NRXN3: variants seen among roughly 807,000 people sequenced by gnomAD.
NRXN3 encodes the protein neurexin III.
NRXN3 carries 32 observed loss-of-function variants against 137.6 expected under a neutral mutation model. That is an observed-to-expected ratio of 0.23 (90% CI 0.18 to 0.31). The LOEUF (loss-of-function observed/expected upper bound fraction) is 0.31. Among genes scored for constraint, NRXN3 ranks in the 10% least tolerant of loss-of-function variants. The pLI is 1.00. For synonymous variants in NRXN3, 798 were observed against 784.5 expected (o/e 1.02, Z -0.29); for missense variants, 1,574 against 2,062.5 (o/e 0.76, Z 4.59).
chr14:78,796,098 G>T (rs1299215890), intron 8 of NRXN3, among the ~76,000 whole-genome samples: 1 of 152,198 alleles, frequency 6.6e-6, no homozygotes, highest in African/African-American at 2.4e-5. Flanking sequence ...ATTATGGGTA[G>T]GCATAGCCAA....
At chr14:79,411,323 G>C (rs2217888) in intron 15 of NRXN3, among the ~76,000 whole-genome samples, 49,460 of 151,906 alleles carry the variant, frequency 0.33, 8,305 homozygotes, top group Admixed American at 0.4. Context: ...TAGCCAAACT[G>C]CCCTATTTTG....
chr14:79,132,448 AT>A (rs1452387927), intron 15 of NRXN3, among the ~76,000 whole-genome samples: 2 of 152,206 alleles, frequency 1.3e-5, no homozygotes, highest in Non-Finnish European at 2.9e-5. Flanking sequence ...ACAATTTTAA[AT>A]TTTGATCACA....
rs149704373 is a variant in NRXN3, at chr14:79,139,234, A to G, written c.3262+151093A>G. Among the ~76,000 whole-genome samples the G allele has an allele frequency of 4.0e-4, 61 of 152,314 alleles. No homozygotes were observed. In the East Asian group the frequency reaches 0.01, roughly 26 times the overall value. ...CTGGTCTCCATGAATGGGATCATCT[A>G]ATGCCTTTTAAAAATTAAAGACATA... is the stretch of plus-strand genomic sequence containing the variant. On this transcript the variant is annotated intron_variant, in intron 15 of 20. Transcript: ENST00000335750.
intron 4 of NRXN3, among the ~76,000 whole-genome samples, chr14:78,598,534 C>G (rs1456391969): frequency 6.6e-6 from 1 of 152,234 alleles, no homozygotes; most frequent in Non-Finnish European, 1.5e-5. Context: ...TTTGGGGCAG[C>G]TAAGGCACCT....
At chr14:79,591,892 A>G (rs2097806916) in intron 16 of NRXN3, among the ~76,000 whole-genome samples, 1 of 151,950 alleles carries the variant, frequency 6.6e-6, no homozygotes, top group Admixed American at 6.6e-5. Flanking sequence ...GGATTGAGCA[A>G]TGGTTTGCTT....
At chr14:78,907,377 G>C (rs1447684394) in intron 10 of NRXN3, among the ~76,000 whole-genome samples, 1 of 151,986 alleles carries the variant, frequency 6.6e-6, no homozygotes, top group Non-Finnish European at 1.5e-5. Context: ...TTTTCTAGCT[G>C]GTCAGAGTGG....
chr14:79,306,396 C>T (rs2086074090), intron 15 of NRXN3, among the ~76,000 whole-genome samples: 1 of 152,054 alleles, frequency 6.6e-6, no homozygotes, highest in Non-Finnish European at 1.5e-5. Context: ...CCACATCCAG[C>T]ACTCTGTGTT....
At chr14:79,860,685 C>T (rs967158851) in intron 20 of NRXN3, among the ~76,000 whole-genome samples, 1 of 152,156 alleles carries the variant, frequency 6.6e-6, no homozygotes, top group Admixed American at 6.5e-5. Context: ...ACAATGTGTG[C>T]GTGTACCCAC....
chr14:79,655,564 T>C (rs1190275411), intron 16 of NRXN3, among the ~76,000 whole-genome samples: 1 of 152,218 alleles, frequency 6.6e-6, no homozygotes, highest in Non-Finnish European at 1.5e-5. Flanking sequence ...TGTAAATGTG[T>C]GTAGAATGTT....
At chr14:79,567,453 A>C (rs2097560781) in intron 16 of NRXN3, among the ~76,000 whole-genome samples, 1 of 152,100 alleles carries the variant, frequency 6.6e-6, no homozygotes, top group Admixed American at 6.6e-5. Context: ...GATACCTCTT[A>C]GAATGGTAGA....
chr14:79,697,200 G>GT (rs539256825), intron 18 of NRXN3, among the ~76,000 whole-genome samples: 2 of 151,970 alleles, frequency 1.3e-5, no homozygotes, highest in South Asian at 4.2e-4. Context: ...ACCTCACTGA[G>GT]TTTTTTTGGC....
intron 16 of NRXN3, among the ~76,000 whole-genome samples, chr14:79,575,850 A>G (rs1184803144): frequency 6.6e-6 from 1 of 152,188 alleles, no homozygotes; most frequent in Non-Finnish European, 1.5e-5. Flanking sequence ...TGCATTTATA[A>G]TCCAATTGGG....
intron 15 of NRXN3, among the ~76,000 whole-genome samples, chr14:79,296,138 A>C (rs568373371): frequency 4.6e-5 from 7 of 152,300 alleles, no homozygotes; most frequent in African/African-American, 1.7e-4. Flanking sequence ...AAGGGTAAGG[A>C]ATGAGTCATT....
chr14:78,652,190 G>A (rs373352205), intron 6 of NRXN3, among the ~76,000 whole-genome samples: 9 of 152,170 alleles, frequency 5.9e-5, no homozygotes, highest in African/African-American at 1.2e-4. Flanking sequence ...TAGTTGAGAC[G>A]GAAGAAAATT....
chr14:78,604,001 C>G (rs780405981), intron 4 of NRXN3, among the ~76,000 whole-genome samples: 11 of 152,142 alleles, frequency 7.2e-5, no homozygotes, highest in Non-Finnish European at 1.3e-4. Context: ...ACTCACAGTT[C>G]CACTTGGCTA....
intron 4 of NRXN3, among the ~76,000 whole-genome samples, chr14:78,637,353 C>A (rs757881961): frequency 2.0e-5 from 3 of 152,182 alleles, no homozygotes; most frequent in Non-Finnish European, 4.4e-5. Context: ...AGTATGACCT[C>A]CTGTATGGAA....
intron 4 of NRXN3, among the ~76,000 whole-genome samples, chr14:78,631,688 G>C (rs1293612211): frequency 6.6e-6 from 1 of 152,108 alleles, no homozygotes; most frequent in African/African-American, 2.4e-5. Flanking sequence ...CAGCTACCTT[G>C]CACAATCCCT....
intron 4 of NRXN3, among the ~76,000 whole-genome samples, chr14:78,495,995 A>C (rs1322406074): frequency 6.6e-6 from 1 of 152,242 alleles, no homozygotes. Context: ...CAGTCTTAGC[A>C]AAAGTAGCAC....
At chr14:79,251,832 T>A (rs116285002) in intron 15 of NRXN3, among the ~76,000 whole-genome samples, 190 of 151,458 alleles carry the variant, frequency 1.3e-3, no homozygotes, top group African/African-American at 4.2e-3. Flanking sequence ...TTTCTTTTCT[T>A]TTTTTTTTCA....
Sources: gnomAD v4.1 joint callset for allele counts (sites outside exome capture counted in the v4.1 genomes callset) on GRCh38, gnomAD v4.1.1 for gene constraint, MANE v1.5 for transcripts, NCBI Gene and HGNC (gene_info 2026-07-23, HGNC 2026-07-21) for gene names.